SEPTIN11: variants seen among roughly 807,000 people sequenced by gnomAD.
SEPTIN11 encodes the protein septin 11, also known as septin-11.
A neutral mutation model predicts 51.4 loss-of-function variants in SEPTIN11; 25 were observed. The ratio of observed to expected loss-of-function variants is 0.49; its 90% confidence interval spans 0.35 to 0.68. The LOEUF (loss-of-function observed/expected upper bound fraction) is 0.68. Among genes scored for constraint, SEPTIN11 ranks in the 30% least tolerant of loss-of-function variants. The probability of loss-of-function intolerance (pLI) is 0.00; values close to 1 mark genes in which losing one functional copy is unlikely to be tolerated. For synonymous variants in SEPTIN11, 174 were observed against 184.1 expected, an observed-to-expected ratio of 0.95 and a Z score of 0.44; for missense variants, 381 against 520.8, an observed-to-expected ratio of 0.73 and a Z score of 2.61.
chr4:77,004,886 C>T (rs1355551768), intron 2 of SEPTIN11, among the ~76,000 whole-genome samples: 1 of 152,132 alleles, frequency 6.6e-6, no homozygotes, highest in East Asian at 1.9e-4. Context: ...TCACTTGAAT[C>T]CAGGAGATGA....
At chr4:77,006,217 T>TAGAAGCTCCACCAACTCC (rs1053925473) in intron 3 of SEPTIN11, among the ~76,000 whole-genome samples, 4 of 152,158 alleles carry the variant, frequency 2.6e-5, no homozygotes, top group African/African-American at 4.8e-5. Flanking sequence ...GGGAGGTCTC[T>TAGAAGCTCCACCAACTCC]AGAAGCTCCA....
chr4:76,957,152 T>C (rs1721598704), intron 1 of SEPTIN11, among the ~76,000 whole-genome samples: 1 of 152,096 alleles, frequency 6.6e-6, no homozygotes. Flanking sequence ...AGGCCTTCTG[T>C]GCTGCTCTCT....
chr4:77,039,080 T>C (rs1727224345), downstream of SEPTIN11: 1 of 1,289,016 alleles, frequency 7.8e-7, no homozygotes, highest in African/African-American at 1.5e-5. Context: ...TAGCTTCTTC[T>C]TTATGTAACC....
intron 1 of SEPTIN11, among the ~76,000 whole-genome samples, chr4:76,956,996 G>GTGTGTGTGTGTGTGTT (rs1560691551): frequency 4.4e-4 from 33 of 74,914 alleles, no homozygotes; most frequent in African/African-American, 1.3e-3. Context: ...GTGTGTGTGA[G>GTGTGTGTGTGTGTGTT]AGAGAGAGAG....
Position 77,037,123 on chromosome 4 carries a change from A to T in SEPTIN11, c.*2611A>T. On this transcript the variant is annotated 3_prime_UTR_variant, in exon 10 of 10. Coordinates refer to ENST00000264893, the MANE Select transcript of SEPTIN11 (RefSeq NM_018243.4). ...ATGCCTGTAATCCCAGCACTTTGAGAGGCCGAGGTGGGCAGATCACTTGAG... is the reference window on the plus strand; with the variant it reads ...ATGCCTGTAATCCCAGCACTTTGAGTGGCCGAGGTGGGCAGATCACTTGAG... 1 of 973,306 alleles carries T rather than the reference A, an allele frequency of 1.0e-6. No homozygotes were observed. Among genetic ancestry groups the T allele is most frequent in the Non-Finnish European group, 1.2e-6 (1 of 808,242 alleles). The allele number at this position is 973,306 out of a possible 1,614,324, so 60.3% of individuals were successfully genotyped here. A position where few individuals can be genotyped will look rare whatever the true frequency, so the allele number is the denominator to read the frequency against.
chr4:76,951,561 A>G (rs901954617), intron 1 of SEPTIN11, among the ~76,000 whole-genome samples: 2 of 152,210 alleles, frequency 1.3e-5, no homozygotes, highest in Non-Finnish European at 2.9e-5. Context: ...CATTATACTT[A>G]TTAGCAGGCA....
At chr4:76,956,584 A>G (rs763701542) in intron 1 of SEPTIN11, among the ~76,000 whole-genome samples, 8 of 152,224 alleles carry the variant, frequency 5.3e-5, no homozygotes, top group Non-Finnish European at 8.8e-5. Context: ...AGTATCCTCT[A>G]TCTGGGCATT....
At chr4:77,039,745 G>A (rs538087628), downstream of SEPTIN11, 94 of 984,820 alleles carry the variant, frequency 9.5e-5, no homozygotes, top group African/African-American at 1.4e-3. Context: ...TTTTTCAGCT[G>A]ACCATCTGCC....
intron 1 of SEPTIN11, among the ~76,000 whole-genome samples, chr4:76,991,214 C>T (rs1723357338): frequency 6.6e-6 from 1 of 152,202 alleles, no homozygotes; most frequent in South Asian, 2.1e-4. Context: ...GTGCTAGGCA[C>T]TCTCATCCAT....
At chr4:76,989,387 G>A (rs1578147957) in intron 1 of SEPTIN11, among the ~76,000 whole-genome samples, 3 of 152,288 alleles carry the variant, frequency 2.0e-5, no homozygotes, top group Middle Eastern at 3.4e-3. Context: ...GAATGGAAAC[G>A]TAATTTTAAT....
intron 1 of SEPTIN11, among the ~76,000 whole-genome samples, chr4:76,958,437 CCT>C (rs1404143334): frequency 6.6e-6 from 1 of 152,216 alleles, no homozygotes; most frequent in African/African-American, 2.4e-5. Context: ...TCCCTCTTCC[CCT>C]GTTTCACTTT....
At chr4:76,966,861 C>A (rs1485648301) in intron 1 of SEPTIN11, among the ~76,000 whole-genome samples, 1 of 151,622 alleles carries the variant, frequency 6.6e-6, no homozygotes. Flanking sequence ...GAGCCCCTGT[C>A]TCAAAAAATA....
At chr4:76,999,062 G>A (rs774519280) in intron 2 of SEPTIN11, among the ~76,000 whole-genome samples, 36 of 152,154 alleles carry the variant, frequency 2.4e-4, no homozygotes, top group Non-Finnish European at 4.9e-4. Context: ...ATGAGATCAT[G>A]TTGTTCATCC....
chr4:77,011,442 G>A (rs1724857848), intron 3 of SEPTIN11, among the ~76,000 whole-genome samples: 1 of 150,922 alleles, frequency 6.6e-6, no homozygotes, highest in South Asian at 2.1e-4. Context: ...TTAGCCAGGA[G>A]AAGAGTAGGA....
chr4:76,987,575 C>G (rs1489264215), intron 1 of SEPTIN11, among the ~76,000 whole-genome samples: 1 of 152,202 alleles, frequency 6.6e-6, no homozygotes, highest in African/African-American at 2.4e-5. Flanking sequence ...CGTTTCCCAT[C>G]TTCCCATTAA....
At chr4:76,986,385 G>A (rs1283134339) in intron 1 of SEPTIN11, among the ~76,000 whole-genome samples, 3 of 151,938 alleles carry the variant, frequency 2.0e-5, no homozygotes, top group African/African-American at 4.8e-5. Context: ...AGAGGAGATT[G>A]GGCTGTGTGG....
At chr4:76,957,634 C>T (rs541733911) in intron 1 of SEPTIN11, among the ~76,000 whole-genome samples, 2 of 152,234 alleles carry the variant, frequency 1.3e-5, no homozygotes, top group South Asian at 2.1e-4. Flanking sequence ...GAAGACTGGG[C>T]TCAAACCAGA....
chr4:76,996,973 A>G (rs4298159), intron 2 of SEPTIN11, among the ~76,000 whole-genome samples: 82,501 of 149,354 alleles, frequency 0.55, 23,411 homozygotes, highest in Middle Eastern at 0.63. Context: ...TCTGCCTCCC[A>G]GGTTCAAGCA....
intron 1 of SEPTIN11, among the ~76,000 whole-genome samples, chr4:76,976,931 G>A (rs994776974): frequency 1.3e-5 from 2 of 152,214 alleles, no homozygotes; most frequent in Non-Finnish European, 2.9e-5. Flanking sequence ...AGGATTGGAA[G>A]CCCTGATGGA....
Sources: gnomAD v4.1 joint callset for allele counts (sites outside exome capture counted in the v4.1 genomes callset) on GRCh38, gnomAD v4.1.1 for gene constraint, MANE v1.5 for transcripts, NCBI Gene and HGNC (gene_info 2026-07-23, HGNC 2026-07-21) for gene names.